The following PTPRG variants were observed in gnomAD, a reference collection of about 807,000 sequenced individuals.
The protein encoded by PTPRG is receptor-type tyrosine-protein phosphatase gamma.
PTPRG carries 102 observed loss-of-function variants against 165.3 expected under a neutral mutation model. That is an observed-to-expected ratio of 0.62 (90% CI 0.53 to 0.73). The LOEUF is 0.73. PTPRG is among the 30% of genes least tolerant of loss of function. PTPRG has a pLI of 0.00. For missense variants in PTPRG, 1,866 were observed against 1,861.4 expected, an observed-to-expected ratio of 1.00 and a Z score of -0.05; for synonymous variants, 675 against 669.5, an observed-to-expected ratio of 1.01 and a Z score of -0.13.
intron 2 of PTPRG, among the ~76,000 whole-genome samples, chr3:61,814,662 C>A (rs1424251434): frequency 6.6e-6 from 1 of 151,840 alleles, no homozygotes; most frequent in African/African-American, 2.4e-5. Context: ...TGCTTTATTT[C>A]ATGCATAAGC....
At chr3:61,686,400 G>C (rs1054047088) in intron 1 of PTPRG, among the ~76,000 whole-genome samples, 2 of 152,226 alleles carry the variant, frequency 1.3e-5, no homozygotes, top group African/African-American at 4.8e-5. Context: ...GCCGTGAGTA[G>C]TTGGTGAGAC....
intron 2 of PTPRG, among the ~76,000 whole-genome samples, chr3:61,777,749 G>A (rs1266222738): frequency 2.6e-5 from 4 of 152,194 alleles, no homozygotes; most frequent in South Asian, 2.1e-4. Flanking sequence ...TGGGCCCTCA[G>A]TGGGGAGGCC....
chr3:62,274,182 C>T (rs1467893789), intron 23 of PTPRG, among the ~76,000 whole-genome samples: 1 of 151,992 alleles, frequency 6.6e-6, no homozygotes, highest in Non-Finnish European at 1.5e-5. Context: ...TCTATCTTAC[C>T]TTAATTATTA....
chr3:62,191,447 G>A (rs370087615), intron 8 of PTPRG, 22 bp from the exon 9 acceptor site: 7 of 1,610,062 alleles, frequency 4.3e-6, no homozygotes, highest in Non-Finnish European at 5.9e-6. Flanking sequence ...AGCTCCCTGA[G>A]CTGAGCCCTG....
chr3:61,691,474 A>G (rs1198626979), intron 1 of PTPRG, among the ~76,000 whole-genome samples: 2 of 152,234 alleles, frequency 1.3e-5, no homozygotes. Context: ...TGCTTCATAT[A>G]TATGAGGATC....
chr3:62,283,094 C>A (rs552188808), intron 28 of PTPRG, among the ~76,000 whole-genome samples: 1 of 151,942 alleles, frequency 6.6e-6, no homozygotes, highest in Non-Finnish European at 1.5e-5. Flanking sequence ...AGTATATGTT[C>A]TAGAAAGGGG....
chr3:61,952,307 G>T (rs1181248743), intron 2 of PTPRG, among the ~76,000 whole-genome samples: 1 of 152,050 alleles, frequency 6.6e-6, no homozygotes, highest in African/African-American at 2.4e-5. Flanking sequence ...TTTAAGCAGT[G>T]TTAGGGAACT....
intron 1 of PTPRG, among the ~76,000 whole-genome samples, chr3:61,612,362 TGACTC>T (rs542990540): frequency 2.2e-4 from 34 of 152,354 alleles, no homozygotes; most frequent in Admixed American, 1.8e-3. Context: ...ACCTTTGTCG[TGACTC>T]TACAATTCCA....
chr3:61,759,710 G>A (rs2033769399), intron 2 of PTPRG, among the ~76,000 whole-genome samples: 1 of 151,782 alleles, frequency 6.6e-6, no homozygotes, highest in Non-Finnish European at 1.5e-5. Context: ...GTATTCATTG[G>A]CATTTTTATG....
At chr3:62,051,168 A>G (rs1394824036) in intron 4 of PTPRG, among the ~76,000 whole-genome samples, 1 of 152,222 alleles carries the variant, frequency 6.6e-6, no homozygotes, top group Non-Finnish European at 1.5e-5. Flanking sequence ...CACTGGGACC[A>G]TTAATCCAAC....
At chr3:61,882,205 C>T (rs1425185354) in intron 2 of PTPRG, among the ~76,000 whole-genome samples, 1 of 152,194 alleles carries the variant, frequency 6.6e-6, no homozygotes, top group Non-Finnish European at 1.5e-5. Context: ...ATTGGGGTAA[C>T]TTATAAATGG....
At chr3:61,601,644 A>ATGTG (rs745844330) in intron 1 of PTPRG, among the ~76,000 whole-genome samples, 1 of 152,170 alleles carries the variant, frequency 6.6e-6, no homozygotes, top group Non-Finnish European at 1.5e-5. Context: ...AGTACCTCCT[A>ATGTG]TGTGCCATAC....
intron 4 of PTPRG, among the ~76,000 whole-genome samples, chr3:62,068,456 G>A (rs1456356648): frequency 6.6e-6 from 1 of 151,996 alleles, no homozygotes; most frequent in Admixed American, 6.6e-5. Flanking sequence ...AGTAAACTCG[G>A]CCCTACTCTG....
intron 1 of PTPRG, among the ~76,000 whole-genome samples, chr3:61,612,855 TAATTTGTGTG>T (rs1486023372): frequency 1.4e-5 from 1 of 70,944 alleles, no homozygotes; most frequent in Non-Finnish European, 2.8e-5. Flanking sequence ...TTCCTGGAAT[TAATTTGTGTG>T]TGTGTGTGTG....
At chr3:61,962,953 A>G (rs1044533702) in intron 2 of PTPRG, among the ~76,000 whole-genome samples, 1 of 152,184 alleles carries the variant, frequency 6.6e-6, no homozygotes, top group Non-Finnish European at 1.5e-5. Flanking sequence ...TGAAAGTCAA[A>G]ATAATGTAAA....
At position 62,297,061 on chromosome 3, in the gene PTPRG, G is replaced by A. The variant is rs1417634633; in HGVS notation, c.*3754G>A. ...GAATTCTGGCTTCACATTGACTCATGTTTCTTTCACTCCATTTTGAAATAG... is the reference window on the plus strand; with the variant it reads ...GAATTCTGGCTTCACATTGACTCATATTTCTTTCACTCCATTTTGAAATAG... On this transcript the variant is annotated 3_prime_UTR_variant, in exon 30 of 30. Coordinates refer to ENST00000474889, the MANE Select transcript of PTPRG (RefSeq NM_002841.4). 2 of 151,954 alleles carry A rather than the reference G, an allele frequency of 1.3e-5. No individual in the cohort carries two copies. Among genetic ancestry groups the A allele is most frequent in the Non-Finnish European group, 2.9e-5 (2 of 67,918 alleles). The allele number at this position is 151,954 out of a possible 1,614,324, so 9.4% of individuals were successfully genotyped here.
chr3:61,957,860 A>G (rs926994826), intron 2 of PTPRG, among the ~76,000 whole-genome samples: 31 of 152,306 alleles, frequency 2.0e-4, no homozygotes, highest in African/African-American at 6.7e-4. Context: ...GGCTGAAACA[A>G]TGACACTTAG....
rs533905239 is a variant in PTPRG at position 61,579,579 on chromosome 3, T to G, written c.85+17207T>G. On this transcript the variant is annotated intron_variant, in intron 1 of 29. Transcript: ENST00000474889. ...TTGAGGTTTTGCTAAGTTAAGAAAT[T>G]TGCCCTGTATCACGTAACTTGGAAA... Among the ~76,000 whole-genome samples, 9 of 152,344 alleles carry G rather than the reference T, an allele frequency of 5.9e-5. No individual in the cohort carries two copies. The South Asian group carries it at 1.9e-3, about 32-fold the overall frequency.
At chr3:61,568,166 T>A (rs978120759) in intron 1 of PTPRG, among the ~76,000 whole-genome samples, 18 of 152,150 alleles carry the variant, frequency 1.2e-4, no homozygotes, top group African/African-American at 4.1e-4. Flanking sequence ...ACCAACAAAA[T>A]CAATAAAAAG....
Sources: gnomAD v4.1 joint callset for allele counts (sites outside exome capture counted in the v4.1 genomes callset) on GRCh38, gnomAD v4.1.1 for gene constraint, MANE v1.5 for transcripts, NCBI Gene and HGNC (gene_info 2026-07-23, HGNC 2026-07-21) for gene names.